Variants in SLC30A8 observed in about 807,000 individuals in gnomAD.
SLC30A8 encodes the protein solute carrier family 30 member 8.
Under a neutral mutation model 36.9 loss-of-function variants are expected in SLC30A8, and 27 were observed. The ratio of observed to expected loss-of-function variants is 0.73; its 90% CI spans 0.54 to 1.01. SLC30A8 has a LOEUF of 1.01. Among genes scored for constraint, SLC30A8 ranks in the 50% least tolerant of loss-of-function variants. The pLI is 0.00. For missense variants in SLC30A8, 439 were observed against 452.0 expected (o/e 0.97, Z 0.26); for synonymous variants, 164 against 172.4 (o/e 0.95, Z 0.38).
intron 6 of SLC30A8, among the ~76,000 whole-genome samples, chr8:117,169,783 A>G (rs916425462): frequency 2.6e-5 from 4 of 151,954 alleles, no homozygotes; most frequent in Non-Finnish European, 5.9e-5. Flanking sequence ...CTTTTAAATG[A>G]CCAAATCTTG....
At chr8:117,101,107 G>A (rs1819697186) in intron 2 of SLC30A8, among the ~76,000 whole-genome samples, 1 of 152,206 alleles carries the variant, frequency 6.6e-6, no homozygotes, top group African/African-American at 2.4e-5. Context: ...ATTATGCTCT[G>A]TTTTCAATTA....
chr8:117,164,590 TA>T (rs1563638156), intron 6 of SLC30A8, among the ~76,000 whole-genome samples: 1 of 151,586 alleles, frequency 6.6e-6, no homozygotes, highest in Non-Finnish European at 1.5e-5. Flanking sequence ...ATAAAATAAA[TA>T]AAAAAAGCTT....
chr8:117,164,999 C>T (rs1336385721), intron 6 of SLC30A8, among the ~76,000 whole-genome samples: 1 of 152,186 alleles, frequency 6.6e-6, no homozygotes, highest in Non-Finnish European at 1.5e-5. Context: ...ATTTTCTTTT[C>T]ATTTGGCATA....
intron 2 of SLC30A8, among the ~76,000 whole-genome samples, chr8:117,072,964 T>C (rs548281441): frequency 7.2e-5 from 11 of 152,244 alleles, no homozygotes; most frequent in Non-Finnish European, 1.0e-4. Context: ...TTAAATTTAA[T>C]GTGGTCTTTG....
At chr8:117,096,660 G>T (rs1819378878) in intron 2 of SLC30A8, among the ~76,000 whole-genome samples, 1 of 152,076 alleles carries the variant, frequency 6.6e-6, no homozygotes, top group Non-Finnish European at 1.5e-5. Flanking sequence ...TTGGTAAATA[G>T]ATAATAAACA....
At chr8:117,014,426 G>A (rs1018263908) in intron 1 of SLC30A8, among the ~76,000 whole-genome samples, 1 of 152,284 alleles carries the variant, frequency 6.6e-6, no homozygotes, top group African/African-American at 2.4e-5. Context: ...GTCTGTGGTG[G>A]TGAGTCCCTA....
At chr8:117,126,148 G>C (rs527932837) in intron 2 of SLC30A8, among the ~76,000 whole-genome samples, 7 of 152,002 alleles carry the variant, frequency 4.6e-5, no homozygotes, top group Non-Finnish European at 5.9e-5. Context: ...GTCCAATCAA[G>C]TGTAGCTTTT....
chr8:117,071,760 C>T (rs544143687), intron 2 of SLC30A8, among the ~76,000 whole-genome samples: 1 of 152,080 alleles, frequency 6.6e-6, no homozygotes, highest in South Asian at 2.1e-4. Context: ...TTTATTTATT[C>T]CTCAAATACT....
chr8:117,094,645 C>T (rs1819279946), intron 2 of SLC30A8, among the ~76,000 whole-genome samples: 1 of 152,162 alleles, frequency 6.6e-6, no homozygotes, highest in African/African-American at 2.4e-5. Context: ...AAAAGCACCG[C>T]AAGTTCCCAC....
intron 2 of SLC30A8, among the ~76,000 whole-genome samples, chr8:117,088,535 C>A (rs1181528433): frequency 6.6e-6 from 1 of 152,126 alleles, no homozygotes; most frequent in East Asian, 1.9e-4. Context: ...AAAACGTGCA[C>A]ATCTCCCTCA....
chr8:116,965,315 A>G lies in SLC30A8; in HGVS notation c.-266+14196A>G, dbSNP rs1038776679. On this transcript the variant is annotated intron_variant, in intron 1 of 10. Transcript: ENST00000427715. ...TAAGTAATCAGCAAAGCTAAAATAC[A>G]AACTGAAGGATAGTTGATTCTAAAG... Among the ~76,000 whole-genome samples, 128 of 152,354 alleles carry G rather than the reference A, an allele frequency of 8.4e-4. 1 individual carries two copies. The highest frequency in any genetic ancestry group is 3.0e-3 in the African/African-American group (123 of 41,588).
intron 2 of SLC30A8, among the ~76,000 whole-genome samples, chr8:117,071,032 A>G (rs578218277): frequency 1.4e-4 from 21 of 152,154 alleles, no homozygotes; most frequent in Non-Finnish European, 2.4e-4. Context: ...CCTTCCACAT[A>G]TTGATGTCAG....
intron 1 of SLC30A8, among the ~76,000 whole-genome samples, chr8:117,030,867 G>A (rs1376289175): frequency 2.0e-5 from 3 of 152,056 alleles, no homozygotes; most frequent in African/African-American, 7.2e-5. Context: ...GTATGTTCAA[G>A]AAGTATGGGA....
chr8:117,056,572 G>T (rs1010683671), intron 2 of SLC30A8, among the ~76,000 whole-genome samples: 2 of 152,048 alleles, frequency 1.3e-5, no homozygotes, highest in Non-Finnish European at 2.9e-5. Flanking sequence ...AGCTCAGTAG[G>T]CTAAGAACTG....
At chr8:117,133,401 T>C (rs945673263), upstream of SLC30A8, among the ~76,000 whole-genome samples, 5 of 152,014 alleles carry the variant, frequency 3.3e-5, no homozygotes, top group Admixed American at 6.6e-5. Flanking sequence ...GTCAATTATG[T>C]ATGTATGTAT....
At position 117,116,997 on chromosome 8, in the gene SLC30A8, C is replaced by T. The variant is rs116065916; in HGVS notation, c.-225-18283C>T. Among the ~76,000 whole-genome samples the T allele has an allele frequency of 2.0e-3, 305 of 152,034 alleles. 1 individual carries two copies. The highest frequency in any genetic ancestry group is 3.0e-3 in the Non-Finnish European group (203 of 67,920). Reference sequence around the variant, plus strand: ...TTCTTCCTACATCTTGTGGCTTCTACGCCCTCAGAAATGAATGCTGTAGCC... The same window carrying T: ...TTCTTCCTACATCTTGTGGCTTCTATGCCCTCAGAAATGAATGCTGTAGCC... On this transcript the variant is annotated intron_variant, in intron 2 of 10. Coordinates refer to the SLC30A8 transcript ENST00000427715.
At chr8:117,076,227 C>A (rs946582730) in intron 2 of SLC30A8, among the ~76,000 whole-genome samples, 2 of 152,134 alleles carry the variant, frequency 1.3e-5, no homozygotes, top group Non-Finnish European at 2.9e-5. Flanking sequence ...GTATTCCAAG[C>A]ATTTCCTATG....
At chr8:116,979,426 G>A (rs1410959743) in intron 1 of SLC30A8, among the ~76,000 whole-genome samples, 2 of 152,150 alleles carry the variant, frequency 1.3e-5, no homozygotes, top group Non-Finnish European at 2.9e-5. Context: ...AAATGGAGCA[G>A]GACATCTTTC....
chr8:117,130,965 TAATAA>T (rs1255100074), upstream of SLC30A8, among the ~76,000 whole-genome samples: 6 of 152,042 alleles, frequency 3.9e-5, no homozygotes, highest in African/African-American at 9.7e-5. Context: ...CTATGAGACT[TAATAA>T]AATATTTCTT....
Sources: allele counts gnomAD v4.1 joint callset (sites outside exome capture counted in the v4.1 genomes callset), GRCh38; gene constraint gnomAD v4.1.1; transcripts MANE v1.5; gene names NCBI Gene and HGNC (gene_info 2026-07-23, HGNC 2026-07-21).